The following CC2D1A variants were observed in gnomAD, a reference collection of about 807,000 sequenced individuals.
CC2D1A encodes the protein coiled-coil and C2 domain containing 1A.
CC2D1A carries 68 observed loss-of-function variants against 123.8 expected under a neutral mutation model. That is an observed-to-expected ratio of 0.55 (90% CI 0.45 to 0.67). CC2D1A has a LOEUF of 0.67. CC2D1A is among the 30% of genes least tolerant of loss of function. The pLI, the probability that CC2D1A is intolerant of heterozygous loss-of-function variation, is 0.00. For missense variants in CC2D1A, 1,185 were observed against 1,290.3 expected (o/e 0.92, Z 1.25); for synonymous variants, 477 against 528.0 (o/e 0.90, Z 1.32).
At chr19:13,922,669 G>A (rs1971448959) in intron 14 of CC2D1A, among the ~76,000 whole-genome samples, 1 of 152,166 alleles carries the variant, frequency 6.6e-6, no homozygotes. Context: ...CGAGGGCAGG[G>A]ATTTTGTTCT....
intron 11 of CC2D1A, 29 bp from the exon 12 acceptor site, chr19:13,919,789 C>A (rs759464036): frequency 2.4e-5 from 38 of 1,568,466 alleles, no homozygotes; most frequent in Non-Finnish European, 3.3e-5. Flanking sequence ...TCCTGACACA[C>A]AATAACCAGG....
rs1208953975 is a variant in CC2D1A, at chr19:13,920,838, T to G, written c.1557T>G (p.Gly519=). Residue 519 remains glycine (G), a synonymous_variant, in exon 14 of 29, where the codon GGT becomes GGG. Coordinates refer to ENST00000318003, the MANE Select transcript of CC2D1A (RefSeq NM_017721.5). ...LRAKQKNDVE[G]AKMHLRQAKG... is the part of the protein sequence containing the mutation. ...CCAAGCAGAAAAACGACGTGGAGGG[T>G]GCCAAGATGCACCTGCGCCAAGCCA... is the stretch of plus-strand genomic sequence containing the variant. 6.2e-7 allele frequency: 1 copy of G among 1,613,698 alleles called. No individual in the cohort carries two copies. Among genetic ancestry groups the G allele is most frequent in the African/African-American group, 1.3e-5 (1 of 74,850 alleles).
rs756055778 is a variant in CC2D1A at position 13,929,396 on chromosome 19, A to G, written c.2537A>G (p.His846Arg). 4 of 1,613,412 alleles carry G rather than the reference A, an allele frequency of 2.5e-6. No homozygotes were observed. Among genetic ancestry groups the G allele is most frequent in the Non-Finnish European group, 3.4e-6 (4 of 1,179,958 alleles). The change falls in exon 25 of 29, where the codon CAT becomes CGT. Residue 846 changes from histidine to arginine, a missense_variant. Physicochemically the swap from His to Arg is conservative, Grantham distance 29 (BLOSUM62 0). Transcript: ENST00000318003. ...CCCCTTAGATCAGCCCGGCCCCTGC[A>G]TAGCCTCAGTGTGCTGGCGTTTGAC... is the stretch of plus-strand genomic sequence containing the variant. ...ESGNRSARPL[H>R]SLSVLAFDQE... is the part of the protein sequence containing the mutation.
In CC2D1A at chr19:13,927,084, TAGAG is replaced by T. The variant is rs533516053; in HGVS notation, c.2225+12_2225+15del. The T allele has an allele frequency of 6.2e-6, 10 of 1,613,742 alleles. No homozygotes were observed. The African/African-American group carries it at 1.3e-4, about 22-fold the overall frequency. ...TCGAAGTGGTTCACAAGGGGTGAGC[TAGAG>T]AGAGCCATGGCCGCTGGGTGGGCTC... is the stretch of plus-strand genomic sequence containing the variant. On this transcript the variant is annotated splice_region_variant and intron_variant, in intron 21 of 28. Coordinates refer to ENST00000318003, the MANE Select transcript of CC2D1A (RefSeq NM_017721.5).
In CC2D1A at chr19:13,913,431, C is replaced by T. The variant is rs370809399; in HGVS notation, c.541C>T (p.Arg181Cys). The change falls in exon 6 of 29, where the codon CGT becomes TGT. Residue 181 changes from arginine to cysteine, a missense_variant. Arg to Cys is a radical substitution (Grantham distance 180). Transcript: ENST00000318003. ...ACTGGAAAACCTGCTCGCCTCCATC[C>T]GTAAGGGCAATGCCATTGACGAAGC... is the stretch of plus-strand genomic sequence containing the variant. Reference protein sequence around the residue: ...KTLENLLASIRKGNAIDEADI... With the variant: ...KTLENLLASICKGNAIDEADI... The T allele has an allele frequency of 1.4e-5, 22 of 1,614,040 alleles. No individual in the cohort carries two copies. Among genetic ancestry groups the T allele is most frequent in the African/African-American group, 8.0e-5 (6 of 74,950 alleles).
intron 17 of CC2D1A, among the ~76,000 whole-genome samples, chr19:13,926,024 A>ATATACACATATATG: frequency 9.4e-6 from 1 of 106,000 alleles, no homozygotes; most frequent in African/African-American, 5.2e-5. Context: ...ACGTATATAT[A>ATATACACATATATG]TGTGTATATA....
In CC2D1A at chr19:13,923,898, C is replaced by T; in HGVS notation, c.1940+87C>T. 1 of 959,446 alleles carries T rather than the reference C, an allele frequency of 1.0e-6. No homozygotes were observed. The highest frequency in any genetic ancestry group is 1.6e-6 in the Non-Finnish European group (1 of 607,692). The allele number at this position is 959,446 out of a possible 1,614,324, so 59.4% of individuals were successfully genotyped here. On this transcript the variant is annotated intron_variant, in intron 17 of 28. Coordinates refer to ENST00000318003, the MANE Select transcript of CC2D1A (RefSeq NM_017721.5). The surrounding 1 kb of genome is among the most constrained non-coding windows in gnomAD (Gnocchi z 5.3). ...GGGTTGTGCTCCCCAGAAGCTGGCA[C>T]AAGATTTACATCTGGAAGAAATTTT...
At chr19:13,918,326 C>T (rs1294064026) in intron 7 of CC2D1A, 132 bp downstream of exon 7, 2 of 1,197,478 alleles carry the variant, frequency 1.7e-6, no homozygotes, top group African/African-American at 3.1e-5. Flanking sequence ...AGTCTTGGAG[C>T]CTCAGTTTAC....
At chr19:13,918,227 A>T in intron 7 of CC2D1A, 33 bp downstream of exon 7, 2 of 1,500,636 alleles carry the variant, frequency 1.3e-6, no homozygotes, top group South Asian at 1.3e-5. Flanking sequence ...GACTGGAGGG[A>T]TGGGGCAGGA....
rs181907596 is a variant in CC2D1A, at chr19:13,919,673, G to A, written c.1223-145G>A. The stretch of plus-strand genomic sequence containing the variant: ...AGCCTGGGCAACAGAGCGAGATCCT[G>A]TCTCAAAAAAAAAAAAATTAATTAA... On this transcript the variant is annotated intron_variant, in intron 11 of 28. Coordinates refer to ENST00000318003, the MANE Select transcript of CC2D1A (RefSeq NM_017721.5). 1.3e-3 allele frequency: 945 copies of A among 751,082 alleles called. 5 individuals carry two copies. In the African/African-American group the frequency reaches 0.015, roughly 12 times the overall value. 46.5% of individuals were successfully genotyped at this position (751,082 alleles called of 1,614,324 possible).
chr19:13,909,718 G>A, intron 1 of CC2D1A, 105 bp from the exon 2 acceptor site: 1 of 1,466,954 alleles, frequency 6.8e-7, no homozygotes. Flanking sequence ...GGCTTTCCCT[G>A]GGAGACCTTG....
At chr19:13,927,301 GGC>G (rs765232892) in intron 22 of CC2D1A, 36 bp downstream of exon 22, 5 of 1,520,496 alleles carry the variant, frequency 3.3e-6, no homozygotes, top group Non-Finnish European at 3.7e-6. Context: ...GCTCCGGTAT[GGC>G]CATGCTACTC....
Position 13,920,809 on chromosome 19 carries a change from C to T in CC2D1A, c.1528C>T (p.Arg510Ter), listed in dbSNP as rs1971387520. Residue 510 changes from arginine to a stop codon, truncating the protein, a stop_gained, in exon 14 of 29, where the codon CGA becomes TGA. Coordinates refer to ENST00000318003, the MANE Select transcript of CC2D1A (RefSeq NM_017721.5). LOFTEE classifies it high-confidence loss of function. The part of the protein sequence containing the change: ...RKKQLLQAAL[R>*]AKQKNDVEGA... Reference sequence around the variant, plus strand: ...GAAGCAGCTCCTGCAGGCCGCACTGCGAGCCAAGCAGAAAAACGACGTGGA... The same window carrying T: ...GAAGCAGCTCCTGCAGGCCGCACTGTGAGCCAAGCAGAAAAACGACGTGGA... 1.9e-6 allele frequency: 3 copies of T among 1,614,106 alleles called. No homozygotes were observed. The highest frequency in any genetic ancestry group is 1.7e-6 in the Non-Finnish European group (2 of 1,179,990).
intron 24 of CC2D1A, 89 bp from the exon 25 acceptor site, chr19:13,929,277 TTACAGGCGTGAGC>T: frequency 8.1e-7 from 1 of 1,238,820 alleles, no homozygotes; most frequent in Non-Finnish European, 1.2e-6. Context: ...AGTGCAGGGA[TTACAGGCGTGAGC>T]CACTGTGCCC....
chr19:13,912,533 G>A lies in CC2D1A; in HGVS notation c.318G>A (p.Glu106=). The part of the protein sequence containing the change: ...DLEADDDLLA[E]LNEVLGEEQK... Reference sequence around the variant, plus strand: ...CTGGCTGTGTGTCCCTGCAGGCGGAGCTAAATGAGGTCCTTGGAGAGGAGC... The same window carrying A: ...CTGGCTGTGTGTCCCTGCAGGCGGAACTAAATGAGGTCCTTGGAGAGGAGC... Residue 106 remains glutamate, a synonymous_variant, in exon 4 of 29, where the codon GAG becomes GAA. Coordinates refer to ENST00000318003, the MANE Select transcript of CC2D1A (RefSeq NM_017721.5). The A allele has an allele frequency of 6.2e-7, 1 of 1,614,146 alleles. No homozygotes were observed. The highest frequency in any genetic ancestry group is 1.3e-5 in the African/African-American group (1 of 75,034).
At position 13,913,559 on chromosome 19, in the gene CC2D1A, G is replaced by T; in HGVS notation, c.669G>T (p.Glu223Asp). Residue 223 changes from glutamate to aspartate, a missense_variant, in exon 6 of 29, where the codon GAG becomes GAT. Glu to Asp is a conservative substitution (Grantham distance 45, BLOSUM62 2). Transcript: ENST00000318003. Reference sequence around the variant, plus strand: ...CCCCTAGAATCGCGTCAGCCCCAGAGCCCAGGGTCACCCTGGAGGGACCTT... The same window carrying T: ...CCCCTAGAATCGCGTCAGCCCCAGATCCCAGGGTCACCCTGGAGGGACCTT... ...QPAPRIASAP[E>D]PRVTLEGPSA... The T allele has an allele frequency of 6.2e-7, 1 of 1,614,094 alleles. No individual in the cohort carries two copies. The highest frequency in any genetic ancestry group is 2.2e-5 in the East Asian group (1 of 44,862).
At chr19:13,914,641 CT>C (rs747859570) in intron 6 of CC2D1A, among the ~76,000 whole-genome samples, 381 of 131,322 alleles carry the variant, frequency 2.9e-3, no homozygotes, top group Middle Eastern at 0.011. Context: ...GCCTCATCGC[CT>C]TTTTTTTTTT....
rs776306952 is a variant in CC2D1A at position 13,930,045 on chromosome 19, C to G, written c.2711-33C>G. 34 of 1,604,406 alleles carry G rather than the reference C, an allele frequency of 2.1e-5. No individual in the cohort carries two copies. Among genetic ancestry groups the G allele is most frequent in the Non-Finnish European group, 2.9e-5 (34 of 1,175,616 alleles). ...GGGTTGTGGGCAGTGAGGCCCCACCCTAAGCCTCCATTCCCCCGCCATCCA... is the reference window on the plus strand; with the variant it reads ...GGGTTGTGGGCAGTGAGGCCCCACCGTAAGCCTCCATTCCCCCGCCATCCA... On this transcript the variant is annotated intron_variant, in intron 26 of 28. Coordinates refer to ENST00000318003, the MANE Select transcript of CC2D1A (RefSeq NM_017721.5). This position sits in a 1 kb window ranked among gnomAD's most constrained non-coding sequence, Gnocchi z 6.8.
rs1160025011 is a variant in CC2D1A at position 13,920,925 on chromosome 19, G to A, written c.1641+3G>A. 3 of 1,609,990 alleles carry A rather than the reference G, an allele frequency of 1.9e-6. No individual in the cohort carries two copies. The highest frequency in any genetic ancestry group is 3.4e-5 in the Admixed American group (2 of 59,336). On this transcript the variant is annotated splice_donor_region_variant and intron_variant, in intron 14 of 28. Transcript: ENST00000318003. ...GGCTGCCTGTGGACATCACCAAGGT[G>A]AACCTTCTGGGCTTGTGGGAACTGC...
Sources: gnomAD v4.1 joint callset for allele counts (sites outside exome capture counted in the v4.1 genomes callset) on GRCh38, gnomAD v4.1.1 for gene constraint, Gnocchi (gnomAD v3.1) non-coding constraint, MANE v1.5 for transcripts, NCBI Gene and HGNC (gene_info 2026-07-23, HGNC 2026-07-21) for gene names.